XPO5: variants seen among roughly 807,000 people sequenced by gnomAD.
The protein encoded by XPO5 is exportin 5, also known as exportin-5.
XPO5 carries 46 observed loss-of-function variants against 160.6 expected under a neutral mutation model. The ratio of observed to expected loss-of-function variants is 0.29; its 90% CI spans 0.23 to 0.37. The LOEUF is 0.37. XPO5 is among the 10% of genes least tolerant of loss of function. XPO5 has a pLI of 1.00. For missense variants in XPO5, 1,090 were observed against 1,463.9 expected (o/e 0.74, Z 4.17); for synonymous variants, 537 against 519.3 (o/e 1.03, Z -0.46).
intron 20 of XPO5, chr6:43,538,698 G>A (rs1794501554): frequency 6.8e-6 from 3 of 444,108 alleles, no homozygotes; most frequent in Non-Finnish European, 7.8e-6. Flanking sequence ...TTCCTCTTTG[G>A]TACTGTTAAT....
At chr6:43,557,011 CCA>C (rs984232328) in intron 12 of XPO5, among the ~76,000 whole-genome samples, 6 of 151,878 alleles carry the variant, frequency 4.0e-5, no homozygotes, top group Admixed American at 3.9e-4. Context: ...GCCTATAATC[CCA>C]GTTACTTGGG....
chr6:43,529,553 C>CAAA (rs1186641934), intron 23 of XPO5: 20 of 101,810 alleles, frequency 2.0e-4, no homozygotes, highest in Admixed American at 4.3e-4. Flanking sequence ...GACTCCGTCT[C>CAAA]AAAAAAAAAA....
At chr6:43,573,655 A>G in intron 1 of XPO5, 54 bp from the exon 2 acceptor site, 3 of 1,566,306 alleles carry the variant, frequency 1.9e-6, no homozygotes, top group Non-Finnish European at 2.6e-6. Context: ...ATAGGGACTA[A>G]AAGAATTTCA....
chr6:43,560,713 A>AC (rs1762372864), intron 10 of XPO5, among the ~76,000 whole-genome samples: 1 of 152,196 alleles, frequency 6.6e-6, no homozygotes, highest in African/African-American at 2.4e-5. Flanking sequence ...TCAGAATATT[A>AC]CCTAAAGGGA....
intron 20 of XPO5, among the ~76,000 whole-genome samples, chr6:43,543,211 A>C (rs931510884): frequency 2.0e-5 from 3 of 152,196 alleles, no homozygotes; most frequent in Non-Finnish European, 2.9e-5. Flanking sequence ...CACATCTGTT[A>C]TCCCAGCACT....
Position 43,567,285 on chromosome 6 carries a change from T to A in XPO5, c.718A>T (p.Met240Leu). 6.2e-7 allele frequency: 1 copy of A among 1,613,994 alleles called. No homozygotes were observed. Among genetic ancestry groups the A allele is most frequent in the South Asian group, 1.1e-5 (1 of 91,074 alleles). ...TLAGYIDWVS[M>L]SHITAENCKL... ...CAGTTTTCAGCAGTGATGTGACTCATAGACACCCAGTCAATATAGCCTGCT... is the reference window on the plus strand; with the variant it reads ...CAGTTTTCAGCAGTGATGTGACTCAAAGACACCCAGTCAATATAGCCTGCT... Residue 240 changes from methionine (M) to leucine (L), a missense_variant, in exon 7 of 32, where the codon ATG becomes TTG. Met to Leu is a conservative substitution (Grantham distance 15). Transcript: ENST00000265351.
chr6:43,572,494 C>G lies in XPO5; in HGVS notation c.300+12G>C, dbSNP rs751480687. On this transcript the variant is annotated intron_variant, in intron 3 of 31. Transcript: ENST00000265351. ...ACCTTGGAAACATGTCTCCCAACCA[C>G]CCATTCCTTACATTTGCAATCAGCT... 1 of 1,613,744 alleles carries G rather than the reference C, an allele frequency of 6.2e-7. No homozygotes were observed. Among genetic ancestry groups the G allele is most frequent in the Non-Finnish European group, 8.5e-7 (1 of 1,179,704 alleles).
At chr6:43,550,026 G>A in intron 15 of XPO5, 92 bp from the exon 16 acceptor site, 2 of 1,347,926 alleles carry the variant, frequency 1.5e-6, no homozygotes, top group Non-Finnish European at 2.1e-6. Context: ...GAATTCCTGG[G>A]CTCAACTGAT....
In XPO5 at chr6:43,568,713, T is replaced by C; in HGVS notation, c.646A>G (p.Lys216Glu). The change falls in exon 6 of 32, where the codon AAG becomes GAG. Residue 216 changes from lysine to glutamate, a missense_variant and splice_region_variant. Around this residue, in one of 3 missense-constraint regions of XPO5, gnomAD observed 110 missense variants for 97.9 expected, o/e 1.12. Coordinates refer to ENST00000265351, the MANE Select transcript of XPO5 (RefSeq NM_020750.3). Reference protein sequence around the residue: ...QVKTDTSQESKAQANCRVGVA... With the variant: ...QVKTDTSQESEAQANCRVGVA... Reference sequence around the variant, plus strand: ...CAAACTTTATAAAGAGCTCTTACCTTTGACTCCTGAGAAGTATCTGTCTTC... The same window carrying C: ...CAAACTTTATAAAGAGCTCTTACCTCTGACTCCTGAGAAGTATCTGTCTTC... The C allele has an allele frequency of 6.3e-7, 1 of 1,579,588 alleles. No individual in the cohort carries two copies. The highest frequency in any genetic ancestry group is 8.6e-7 in the Non-Finnish European group (1 of 1,161,122).
intron 13 of XPO5, among the ~76,000 whole-genome samples, chr6:43,554,466 C>T (rs1349320780): frequency 1.3e-5 from 2 of 150,940 alleles, no homozygotes; most frequent in Non-Finnish European, 2.9e-5. Context: ...CGCTCTTTGC[C>T]CAGGCTGGAG....
chr6:43,526,731 T>G lies in XPO5; in HGVS notation c.2937A>C (p.Ser979=). Residue 979 remains serine (S), a synonymous_variant, in exon 27 of 32, where the codon TCA becomes TCC. Coordinates refer to ENST00000265351, the MANE Select transcript of XPO5 (RefSeq NM_020750.3). ...CACTACTGTGGTCAGCACCCTTCTT[T>G]GAAACACAGCAAACCGCTAAAGCAA... ...VMDLITVCCV[S]KKGADHSSAP... The G allele has an allele frequency of 3.1e-6, 5 of 1,613,870 alleles. 1 individual carries two copies. In the South Asian group the frequency reaches 5.5e-5, roughly 18 times the overall value.
intron 28 of XPO5, 81 bp from the exon 29 acceptor site, chr6:43,525,295 G>T: frequency 1.5e-6 from 2 of 1,378,894 alleles, no homozygotes; most frequent in African/African-American, 1.5e-5. Flanking sequence ...AGGAGCCGGA[G>T]GGTTTTTTTT....
At chr6:43,542,481 C>T (rs1794748361) in intron 20 of XPO5, among the ~76,000 whole-genome samples, 3 of 152,100 alleles carry the variant, frequency 2.0e-5, no homozygotes. Flanking sequence ...ATGATCTCAG[C>T]TCACTGCAAC....
In XPO5 at chr6:43,546,562, C is replaced by T. The variant is rs1424426893; in HGVS notation, c.2342+9G>A. The T allele has an allele frequency of 1.1e-5, 17 of 1,596,232 alleles. No individual in the cohort carries two copies. The highest frequency in any genetic ancestry group is 1.4e-5 in the Non-Finnish European group (17 of 1,174,184). On this transcript the variant is annotated intron_variant, in intron 20 of 31. Coordinates refer to ENST00000265351, the MANE Select transcript of XPO5 (RefSeq NM_020750.3). ...AAAACAACAGAGAAAAGCCATTATT[C>T]TGACTCACCTTATAAGCGCAAGCAA...
chr6:43,532,435 G>C (rs1406532976), intron 21 of XPO5, among the ~76,000 whole-genome samples: 1 of 152,184 alleles, frequency 6.6e-6, no homozygotes, highest in South Asian at 2.1e-4. Flanking sequence ...GTGATGGTGA[G>C]CCAGCCTGAA....
intron 20 of XPO5, chr6:43,539,649 TC>T: frequency 1.6e-6 from 2 of 1,278,870 alleles, no homozygotes; most frequent in Non-Finnish European, 2.2e-6. Context: ...CGGTTCCCCA[TC>T]CCAGGGCCAC....
chr6:43,562,309 C>G lies in XPO5; in HGVS notation c.949G>C (p.Val317Leu). ...ACCTGACAGAGCCTCTTCAGAAAGA[C>G]GTAGTGTTTTTCTACCAAACCTCCT... ...DGGGLVEKHY[V>L]FLKRLCQVLC... The change falls in exon 9 of 32, where the codon GTC becomes CTC. Residue 317 changes from valine (V) to leucine (L), a missense_variant. This residue lies in a region of XPO5 where 810 missense variants were observed against 1,139.0 expected (regional missense o/e 0.71). Coordinates refer to ENST00000265351, the MANE Select transcript of XPO5 (RefSeq NM_020750.3). The G allele has an allele frequency of 6.2e-7, 1 of 1,609,754 alleles. No homozygotes were observed. Among genetic ancestry groups the G allele is most frequent in the Non-Finnish European group, 8.5e-7 (1 of 1,178,236 alleles).
chr6:43,525,911 C>T lies in XPO5; in HGVS notation c.2994G>A (p.Met998Ile), dbSNP rs746907635. ...CTGAGGGGGTGACCTCTGTGGCCAT[C>T]ATTTCTTCATCTGTTATCAGAGAGT... ...APPADGDDEE[M>I]MATEVTPSAM... Residue 998 changes from methionine to isoleucine, a missense_variant, in exon 28 of 32, where the codon ATG becomes ATA. By Grantham distance (10) the Met-to-Ile change is conservative. Coordinates refer to ENST00000265351, the MANE Select transcript of XPO5 (RefSeq NM_020750.3). The T allele has an allele frequency of 9.9e-6, 16 of 1,613,868 alleles. No homozygotes were observed. Among genetic ancestry groups the T allele is most frequent in the African/African-American group, 1.3e-5 (1 of 74,938 alleles).
Position 43,551,434 on chromosome 6 carries a change from C to G in XPO5, c.1592G>C (p.Gly531Ala), listed in dbSNP as rs766284526. Reference sequence around the variant, plus strand: ...CAGAACCATCTGCAATAGCTCTATTCCATCATTAACAGGAATTTCCTGTAA... The same window carrying G: ...CAGAACCATCTGCAATAGCTCTATTGCATCATTAACAGGAATTTCCTGTAA... Reference protein sequence around the residue: ...LNREEIPVNDGIELLQMVLNF... With the variant: ...LNREEIPVNDAIELLQMVLNF... The change falls in exon 15 of 32, where the codon GGA becomes GCA. Residue 531 changes from glycine (G) to alanine (A), a missense_variant. Gly to Ala is a moderately conservative substitution (Grantham distance 60, BLOSUM62 0). Transcript: ENST00000265351. 3 of 1,613,278 alleles carry G rather than the reference C, an allele frequency of 1.9e-6. No individual in the cohort carries two copies. In the South Asian group the frequency reaches 3.3e-5, roughly 18 times the overall value.
Sources: gnomAD v4.1 joint callset for allele counts (sites outside exome capture counted in the v4.1 genomes callset) on GRCh38, gnomAD v4.1.1 for gene constraint, gnomAD v4.1.1 regional missense constraint, MANE v1.5 for transcripts, NCBI Gene and HGNC (gene_info 2026-07-23, HGNC 2026-07-21) for gene names.